HEATR3: variants seen among roughly 807,000 people sequenced by gnomAD.
HEATR3 encodes HEAT repeat containing 3, also known as HEAT repeat-containing protein 3.
HEATR3 carries 56 observed loss-of-function variants against 72.8 expected under a neutral mutation model. That is an observed-to-expected ratio of 0.77 (90% CI 0.62 to 0.96). The LOEUF (loss-of-function observed/expected upper bound fraction) is 0.96. Among genes scored for constraint, HEATR3 ranks in the 40% least tolerant of loss-of-function variants. The probability of loss-of-function intolerance (pLI) is 0.00; values close to 1 mark genes in which losing one functional copy is unlikely to be tolerated. For synonymous variants in HEATR3, 331 were observed against 318.1 expected, an observed-to-expected ratio of 1.04 and a Z score of -0.43; for missense variants, 747 against 831.4, an observed-to-expected ratio of 0.90 and a Z score of 1.25.
intron 12 of HEATR3, among the ~76,000 whole-genome samples, chr16:50,097,398 A>ATT (rs769882022): frequency 6.0e-4 from 60 of 100,742 alleles, no homozygotes; most frequent in Non-Finnish European, 7.7e-4. Context: ...GTGACCAGTG[A>ATT]TTTTTTTTTT....
In HEATR3 at chr16:50,072,668, G is replaced by T; in HGVS notation, c.576G>T (p.Lys192Asn). The T allele has an allele frequency of 6.2e-7, 1 of 1,609,176 alleles. No individual in the cohort carries two copies. Among genetic ancestry groups the T allele is most frequent in the Middle Eastern group, 1.7e-4 (1 of 6,014 alleles). ...NKEGCLEIVL[K>N]YLSRFPTNVD... ...AAGGGTGTTTGGAGATTGTGTTAAA[G>T]TATTTAAGTAGGTTTCCTACCAATG... Residue 192 changes from lysine to asparagine, a missense_variant, in exon 5 of 15, where the codon AAG (lysine) becomes AAT (asparagine). By Grantham distance (94) the Lys-to-Asn change is moderately conservative. Around this residue, in one of 2 missense-constraint regions of HEATR3, gnomAD observed 586 missense variants for 708.8 expected, o/e 0.83. Transcript: ENST00000299192.
chr16:50,078,775 C>T lies in HEATR3; in HGVS notation c.798C>T (p.Cys266=), dbSNP rs773232911. ...TIWNLKDIIP[C]KSQAEIINAL... is the part of the protein sequence containing the mutation. ...GGAATCTAAAGGACATTATTCCATGCAAGAGTCAAGCAGAAATCATAAATG... is the reference window on the plus strand; with the variant it reads ...GGAATCTAAAGGACATTATTCCATGTAAGAGTCAAGCAGAAATCATAAATG... Residue 266 remains cysteine (C), a synonymous_variant, in exon 7 of 15, where the codon TGC becomes TGT. Transcript: ENST00000299192. 47 of 1,613,666 alleles carry T rather than the reference C, an allele frequency of 2.9e-5. No homozygotes were observed. Among genetic ancestry groups the T allele is most frequent in the Non-Finnish European group, 4.0e-5 (47 of 1,179,974 alleles).
At position 50,066,071 on chromosome 16, in the gene HEATR3, G is replaced by T; in HGVS notation, c.-61G>T. On this transcript the variant is annotated 5_prime_UTR_variant, in exon 1 of 15. Transcript: ENST00000299192. Reference sequence around the variant, plus strand: ...AACGGACCTTGTTAACGGCGCGGCAGCCTCCACCGCCTGCTGTTGCCCTCC... The same window carrying T: ...AACGGACCTTGTTAACGGCGCGGCATCCTCCACCGCCTGCTGTTGCCCTCC... 6.6e-7 allele frequency: 1 copy of T among 1,523,618 alleles called. No homozygotes were observed. 94.4% of individuals were successfully genotyped at this position (1,523,618 alleles called of 1,614,324 possible). A position where few individuals can be genotyped will look rare whatever the true frequency, so the allele number is the denominator to read the frequency against.
intron 6 of HEATR3, 96 bp from the exon 7 acceptor site, chr16:50,078,640 TTGAAA>T: frequency 8.4e-7 from 1 of 1,193,352 alleles, no homozygotes; most frequent in South Asian, 1.6e-5. Flanking sequence ...CTGAGATTTT[TTGAAA>T]TTACACTGGC....
chr16:50,071,679 C>G (rs995642925), intron 4 of HEATR3, among the ~76,000 whole-genome samples: 1 of 151,996 alleles, frequency 6.6e-6, no homozygotes, highest in African/African-American at 2.4e-5. Flanking sequence ...TTCATGCTGC[C>G]ATAACTAGAT....
At chr16:50,100,085 TTAA>T in intron 12 of HEATR3, 142 bp from the exon 13 acceptor site, 1 of 611,048 alleles carries the variant, frequency 1.6e-6, no homozygotes, top group Admixed American at 4.8e-5. Flanking sequence ...GGAATACATA[TTAA>T]TAGTAACTTA....
chr16:50,093,611 C>T (rs2037167803), intron 11 of HEATR3, among the ~76,000 whole-genome samples: 1 of 152,162 alleles, frequency 6.6e-6, no homozygotes, highest in Non-Finnish European at 1.5e-5. Flanking sequence ...TCCAAAATGT[C>T]AGTAGTGCAG....
chr16:50,091,645 C>T (rs577685483), intron 11 of HEATR3, among the ~76,000 whole-genome samples: 8 of 151,842 alleles, frequency 5.3e-5, no homozygotes, highest in South Asian at 2.1e-4. Context: ...GGGGCCGAGG[C>T]GGGCAGATCA....
rs1441316559 is a variant in HEATR3, at chr16:50,070,300, C to T, written c.512+10C>T. The T allele has an allele frequency of 7.4e-7, 1 of 1,345,976 alleles. No individual in the cohort carries two copies. The highest frequency in any genetic ancestry group is 1.1e-6 in the Non-Finnish European group (1 of 938,986). 83.4% of individuals were successfully genotyped at this position (1,345,976 alleles called of 1,614,324 possible). A position where few individuals can be genotyped will look rare whatever the true frequency, so the allele number is the denominator to read the frequency against. ...TGCTGTGGAATATATGGTAAGATGC[C>T]TACCAAACACAGTCTCCTGCTATAG... is the stretch of plus-strand genomic sequence containing the variant. On this transcript the variant is annotated intron_variant, in intron 4 of 14. Transcript: ENST00000299192.
intron 13 of HEATR3, among the ~76,000 whole-genome samples, chr16:50,101,354 G>C (rs533405853): frequency 6.6e-6 from 1 of 152,016 alleles, no homozygotes; most frequent in South Asian, 2.1e-4. Context: ...GGGCTCAAGC[G>C]ATCTACCTAC....
rs1271387749 is a variant in HEATR3 at position 50,086,202 on chromosome 16, A to T, written c.1374-13A>T. The T allele has an allele frequency of 1.3e-6, 2 of 1,566,796 alleles. No individual in the cohort carries two copies. The highest frequency in any genetic ancestry group is 1.9e-5 in the Admixed American group (1 of 52,960). ...CTGGAGAATCAGATGGCATTGTTTC[A>T]CTTCCTTTCCAGAATGAACACTATT... On this transcript the variant is annotated splice_polypyrimidine_tract_variant and intron_variant, in intron 10 of 14. Coordinates refer to ENST00000299192, the MANE Select transcript of HEATR3 (RefSeq NM_182922.4).
At position 50,082,476 on chromosome 16, in the gene HEATR3, C is replaced by G. The variant is rs144451220; in HGVS notation, c.1042-1461C>G. Among the ~76,000 whole-genome samples, 77 of 151,938 alleles carry G rather than the reference C, an allele frequency of 5.1e-4. 1 individual carries two copies. Among genetic ancestry groups the G allele is most frequent in the African/African-American group, 1.9e-3 (77 of 41,432 alleles). On this transcript the variant is annotated intron_variant, in intron 7 of 14. Transcript: ENST00000299192. ...ATATTTAGTTGAATTAGCACACACA[C>G]AAAGCAAATAGAAATGATTTTTATA...
chr16:50,076,865 A>ATTTTT (rs756365677), intron 6 of HEATR3, among the ~76,000 whole-genome samples: 2 of 106,388 alleles, frequency 1.9e-5, no homozygotes, highest in East Asian at 2.6e-4. Flanking sequence ...ACACCTGGCT[A>ATTTTT]TTTTTTTTTT....
chr16:50,078,858 A>C lies in HEATR3; in HGVS notation c.881A>C (p.Gln294Pro). Residue 294 changes from glutamine (Q) to proline (P), a missense_variant, in exon 7 of 15, where the codon CAA (glutamine) becomes CCA (proline). Around this residue, in one of 2 missense-constraint regions of HEATR3, gnomAD observed 586 missense variants for 708.8 expected, o/e 0.83. Transcript: ENST00000299192. Reference sequence around the variant, plus strand: ...ATGGATGCTGGTGAAATGGTTATTCAAATGAAAGAGGCTGAAACGCAAAGG... The same window carrying C: ...ATGGATGCTGGTGAAATGGTTATTCCAATGAAAGAGGCTGAAACGCAAAGG... ...LGMDAGEMVI[Q>P]MKEAETQRLK... is the part of the protein sequence containing the mutation. 11 of 1,614,172 alleles carry C rather than the reference A, an allele frequency of 6.8e-6. No homozygotes were observed. The highest frequency in any genetic ancestry group is 8.5e-6 in the Non-Finnish European group (10 of 1,180,014).
intron 11 of HEATR3, among the ~76,000 whole-genome samples, chr16:50,089,038 G>A (rs1040425040): frequency 6.6e-6 from 1 of 152,120 alleles, no homozygotes; most frequent in Non-Finnish European, 1.5e-5. Context: ...GTTTCTCTTG[G>A]TTCTGCTGGT....
chr16:50,104,064 C>G (rs1239220932), intron 14 of HEATR3, among the ~76,000 whole-genome samples: 1 of 151,866 alleles, frequency 6.6e-6, no homozygotes, highest in African/African-American at 2.4e-5. Flanking sequence ...ACAAACAAAA[C>G]CAGCGCTGGG....
intron 2 of HEATR3, among the ~76,000 whole-genome samples, chr16:50,068,078 G>A (rs2036537069): frequency 1.3e-5 from 2 of 152,148 alleles, no homozygotes; most frequent in South Asian, 4.1e-4. Context: ...TCTTCCTTTA[G>A]GGAGGAAACA....
intron 7 of HEATR3, among the ~76,000 whole-genome samples, chr16:50,079,685 G>C (rs372374259): frequency 6.6e-6 from 1 of 152,122 alleles, no homozygotes; most frequent in Non-Finnish European, 1.5e-5. Flanking sequence ...ATAGGAAGAC[G>C]GGGCACAGTG....
In HEATR3 at chr16:50,066,125, C is replaced by T. The variant is rs553142979; in HGVS notation, c.-7C>T. ...CTCGGTGGTCTGTCCGCCCAGCGCA[C>T]GTCACCATGGGCAAGAGCCGGACGA... On this transcript the variant is annotated 5_prime_UTR_variant, in exon 1 of 15. In the 5' UTR this introduces an upstream ATG that the reference lacks. Transcript: ENST00000299192. 30 of 1,580,372 alleles carry T rather than the reference C, an allele frequency of 1.9e-5. No homozygotes were observed. The South Asian group carries it at 2.9e-4, about 15-fold the overall frequency.
Sources: allele counts gnomAD v4.1 joint callset (sites outside exome capture counted in the v4.1 genomes callset), GRCh38; gene constraint gnomAD v4.1.1; regional missense constraint gnomAD v4.1.1; transcripts MANE v1.5; gene names NCBI Gene and HGNC (gene_info 2026-07-23, HGNC 2026-07-21).